The following PCDHA6 variants were observed in gnomAD, a reference collection of about 807,000 sequenced individuals.
The protein encoded by PCDHA6 is protocadherin alpha 6.
Under a neutral mutation model 60.3 loss-of-function variants are expected in PCDHA6, and 55 were observed. The ratio of observed to expected loss-of-function variants is 0.91; its 90% confidence interval spans 0.73 to 1.14. The LOEUF (loss-of-function observed/expected upper bound fraction) is 1.14. Ranked by LOEUF, PCDHA6 falls within the 50% of genes most tolerant of loss-of-function variation. The pLI, the probability that PCDHA6 is intolerant of heterozygous loss-of-function variation, is 0.00. For missense variants in PCDHA6, 1,327 were observed against 1,256.5 expected, an observed-to-expected ratio of 1.06 and a Z score of -0.85; for synonymous variants, 652 against 557.9, an observed-to-expected ratio of 1.17 and a Z score of -2.38.
At chr5:140,939,152 G>A (rs1486129737) in intron 1 of PCDHA6, among the ~76,000 whole-genome samples, 20 of 152,068 alleles carry the variant, frequency 1.3e-4, no homozygotes, top group Admixed American at 1.2e-3. Context: ...CAAGGTCCTG[G>A]CAGATTTGTG....
At chr5:140,957,851 T>TG (rs2095389296) in intron 1 of PCDHA6, among the ~76,000 whole-genome samples, 1 of 136,014 alleles carries the variant, frequency 7.4e-6, no homozygotes. Flanking sequence ...AGAGTTTGTG[T>TG]ATTTTTTTTC....
At chr5:140,949,383 T>C (rs2094373133) in intron 1 of PCDHA6, among the ~76,000 whole-genome samples, 1 of 151,882 alleles carries the variant, frequency 6.6e-6, no homozygotes, top group Non-Finnish European at 1.5e-5. Flanking sequence ...TATCAATTGC[T>C]CAGAGAGCAG....
chr5:140,878,351 A>C (rs2057557275), intron 1 of PCDHA6, among the ~76,000 whole-genome samples: 1 of 152,248 alleles, frequency 6.6e-6, no homozygotes, highest in South Asian at 2.1e-4. Flanking sequence ...ACAATAATAT[A>C]AATGATATGT....
At chr5:140,873,858 A>G (rs1238963531) in intron 1 of PCDHA6, among the ~76,000 whole-genome samples, 9 of 152,022 alleles carry the variant, frequency 5.9e-5, no homozygotes, top group African/African-American at 1.9e-4. Context: ...ATGGGTTTTC[A>G]CCATGTTGGC....
chr5:140,834,404 C>A lies in PCDHA6; in HGVS notation c.2394+3919C>A, dbSNP rs17844304. On this transcript the variant is annotated intron_variant, in intron 1 of 3. Coordinates refer to ENST00000529310, the MANE Select transcript of PCDHA6 (RefSeq NM_018909.4). ...TTGAAATGGTGTGCCCGAATGGATACGACCCAGGGGGCCGACATCTACTGC... is the reference window on the plus strand; with the variant it reads ...TTGAAATGGTGTGCCCGAATGGATAAGACCCAGGGGGCCGACATCTACTGC... 182 of 1,606,186 alleles carry A rather than the reference C, an allele frequency of 1.1e-4. No individual in the cohort carries two copies. The East Asian group carries it at 3.7e-3, about 32-fold the overall frequency.
intron 1 of PCDHA6, chr5:140,875,795 T>C (rs782073142): frequency 1.2e-6 from 2 of 1,613,786 alleles, no homozygotes. Context: ...CACCTGGAGG[T>C]GATCGTGGAC....
intron 1 of PCDHA6, among the ~76,000 whole-genome samples, chr5:140,962,792 T>C (rs1554226245): frequency 6.6e-6 from 1 of 152,234 alleles, no homozygotes; most frequent in African/African-American, 2.4e-5. Context: ...AAAAACTACT[T>C]TGGACAACTC....
chr5:140,982,662 T>C (rs1325546785), intron 3 of PCDHA6, 99 bp downstream of exon 3: 4 of 1,476,284 alleles, frequency 2.7e-6, no homozygotes, highest in Admixed American at 2.6e-5. Context: ...CTTTTTCTTT[T>C]ATATTTTTGT....
At chr5:140,877,637 G>C in intron 1 of PCDHA6, 1 of 1,613,638 alleles carries the variant, frequency 6.2e-7, no homozygotes, top group South Asian at 1.1e-5. Context: ...ACTGCGCTGC[G>C]TTGCTCAGCG....
At chr5:140,874,957 T>C (rs1330073461) in intron 1 of PCDHA6, among the ~76,000 whole-genome samples, 3 of 152,350 alleles carry the variant, frequency 2.0e-5, no homozygotes, top group African/African-American at 7.2e-5. Flanking sequence ...TTGTAAGCTA[T>C]ATAAGGGGAG....
At chr5:141,003,221 G>A (rs2098116088) in intron 3 of PCDHA6, among the ~76,000 whole-genome samples, 1 of 152,206 alleles carries the variant, frequency 6.6e-6, no homozygotes, top group Admixed American at 6.5e-5. Flanking sequence ...GCATGAAAGA[G>A]GAAAGCTGGA....
chr5:140,849,804 G>A, intron 1 of PCDHA6: 2 of 1,598,448 alleles, frequency 1.3e-6, no homozygotes, highest in South Asian at 1.1e-5. Flanking sequence ...TTCACTGTGG[G>A]CCACGGCCAG....
intron 1 of PCDHA6, chr5:140,857,523 C>T: frequency 1.9e-6 from 3 of 1,597,998 alleles, no homozygotes; most frequent in South Asian, 2.2e-5. Flanking sequence ...GTGTCCTACT[C>T]TCTGGTGGAG....
At chr5:140,912,174 A>G (rs2075803513) in intron 1 of PCDHA6, among the ~76,000 whole-genome samples, 1 of 152,166 alleles carries the variant, frequency 6.6e-6, no homozygotes, top group Non-Finnish European at 1.5e-5. Flanking sequence ...CTGTGCTGGC[A>G]GCTGATTAGA....
chr5:140,966,022 T>G (rs2095958244), intron 1 of PCDHA6, among the ~76,000 whole-genome samples: 1 of 151,842 alleles, frequency 6.6e-6, no homozygotes, highest in South Asian at 2.1e-4. Flanking sequence ...GATGTGGGAG[T>G]CAGGTGAATA....
chr5:140,969,011 A>G lies in PCDHA6; in HGVS notation c.2395-9938A>G, dbSNP rs1554231347. On this transcript the variant is annotated intron_variant, in intron 1 of 3. Transcript: ENST00000529310. Reference sequence around the variant, plus strand: ...ATGCTGTGGAGGCTTCTGTGGAGTAAGGGAAAGGTCCCCTGCAGAACTGTA... The same window carrying G: ...ATGCTGTGGAGGCTTCTGTGGAGTAGGGGAAAGGTCCCCTGCAGAACTGTA... The G allele has an allele frequency of 2.5e-6, 4 of 1,614,084 alleles. No individual in the cohort carries two copies. In the South Asian group the frequency reaches 4.4e-5, roughly 18 times the overall value.
intron 1 of PCDHA6, among the ~76,000 whole-genome samples, chr5:140,838,285 T>A (rs1262712034): frequency 2.0e-5 from 3 of 149,460 alleles, no homozygotes; most frequent in Admixed American, 6.6e-5. Flanking sequence ...TGCTAATTTT[T>A]TTTTTTTTTT....
At chr5:140,867,507 C>A (rs190699676) in intron 1 of PCDHA6, 36 of 152,086 alleles carry the variant, frequency 2.4e-4, no homozygotes, top group African/African-American at 7.5e-4. Context: ...AGAACAAAAT[C>A]TCAAATTAAT....
At chr5:140,861,600 A>G (rs782505060) in intron 1 of PCDHA6, 3 of 371,010 alleles carry the variant, frequency 8.1e-6, no homozygotes, top group Non-Finnish European at 1.6e-5. Context: ...GAAAGTGAAG[A>G]ACAATAAAGA....
Sources: gnomAD v4.1 joint callset for allele counts (sites outside exome capture counted in the v4.1 genomes callset) on GRCh38, gnomAD v4.1.1 for gene constraint, MANE v1.5 for transcripts, NCBI Gene and HGNC (gene_info 2026-07-23, HGNC 2026-07-21) for gene names.